Variants in ESRRG observed in about 807,000 individuals in gnomAD.
The protein encoded by ESRRG is estrogen related receptor gamma.
Under a neutral mutation model 44.0 loss-of-function variants are expected in ESRRG, and 13 were observed. That is an observed-to-expected ratio of 0.30 (90% CI 0.19 to 0.47). The LOEUF (loss-of-function observed/expected upper bound fraction) is 0.47. Among genes scored for constraint, ESRRG ranks in the 20% least tolerant of loss-of-function variants. ESRRG has a pLI of 1.00. For missense variants in ESRRG, 395 were observed against 580.6 expected, an observed-to-expected ratio of 0.68 and a Z score of 3.29; for synonymous variants, 215 against 214.6, an observed-to-expected ratio of 1.00 and a Z score of -0.02.
intron 2 of ESRRG, among the ~76,000 whole-genome samples, chr1:216,771,757 A>G (rs933367612): frequency 2.0e-5 from 3 of 151,112 alleles, no homozygotes; most frequent in Non-Finnish European, 4.4e-5. Flanking sequence ...TTCCTGTGAT[A>G]GCATTAGAAA....
rs375522340 is a variant in ESRRG at position 216,651,085 on chromosome 1, A to G, written c.477T>C (p.Asn159=). ...KAFFKRTIQG[N]IEYSCPATNE... The stretch of plus-strand genomic sequence containing the variant: ...TCGTGGCAGGGCAGCTGTATTCTAT[A>G]TTGCCTAAAACACAAGTTTGAAGAA... The change falls in exon 3 of 7, where the codon AAT becomes AAC. Residue 159 remains asparagine, a synonymous_variant. Coordinates refer to ENST00000408911, the MANE Select transcript of ESRRG (RefSeq NM_001438.4). The G allele has an allele frequency of 1.5e-4, 240 of 1,594,134 alleles. 1 individual carries two copies. The Middle Eastern group carries it at 3.7e-3, about 24-fold the overall frequency.
intron 1 of ESRRG, chr1:216,686,141 A>T (rs2077896901): frequency 6.6e-6 from 1 of 152,180 alleles, no homozygotes; most frequent in Admixed American, 6.5e-5. Context: ...GTCTTGGGTG[A>T]TCTATAGCAG....
In ESRRG at chr1:217,037,534, G is replaced by C. The variant is rs560204562; in HGVS notation, c.-106+51973C>G. Among the ~76,000 whole-genome samples, 222 of 152,242 alleles carry C rather than the reference G, an allele frequency of 1.5e-3. 1 individual carries two copies. The highest frequency in any genetic ancestry group is 5.2e-3 in the African/African-American group (216 of 41,544). On this transcript the variant is annotated intron_variant, in intron 1 of 7. Coordinates refer to the ESRRG transcript ENST00000359162. ...CCATGATTCAATCATCTCCTACTGA[G>C]TCCCTCTCACATGGGAACCATGGGA...
chr1:217,051,039 A>G (rs1456734176), intron 1 of ESRRG, among the ~76,000 whole-genome samples: 1 of 152,114 alleles, frequency 6.6e-6, no homozygotes, highest in African/African-American at 2.4e-5. Flanking sequence ...ACATAGACTG[A>G]CAAAGGGAAA....
intron 2 of ESRRG, among the ~76,000 whole-genome samples, chr1:216,659,450 C>T (rs2071669715): frequency 6.6e-6 from 1 of 152,190 alleles, no homozygotes; most frequent in Non-Finnish European, 1.5e-5. Context: ...CTTCCTGTCT[C>T]TACCTTGGAG....
At chr1:216,568,841 G>C (rs1573177082) in intron 3 of ESRRG, among the ~76,000 whole-genome samples, 1 of 152,046 alleles carries the variant, frequency 6.6e-6, no homozygotes, top group South Asian at 2.1e-4. Context: ...GATCACCTGA[G>C]GTTGGGAGTT....
chr1:216,867,195 T>C (rs898984796), intron 2 of ESRRG, among the ~76,000 whole-genome samples: 1 of 152,140 alleles, frequency 6.6e-6, no homozygotes, highest in Non-Finnish European at 1.5e-5. Context: ...CAGAACAAAA[T>C]CACTTGTCCA....
chr1:216,928,756 G>A (rs1272782982), intron 2 of ESRRG, among the ~76,000 whole-genome samples: 1 of 152,204 alleles, frequency 6.6e-6, no homozygotes, highest in Non-Finnish European at 1.5e-5. Flanking sequence ...GCTACATACA[G>A]TGAATATTAT....
At chr1:216,516,140 A>C (rs2044194355) in intron 6 of ESRRG, among the ~76,000 whole-genome samples, 3 of 152,140 alleles carry the variant, frequency 2.0e-5, no homozygotes, top group Admixed American at 6.5e-5. Context: ...AGATGTAATA[A>C]TTACTCAAGA....
chr1:217,039,179 G>A (rs1368380659), intron 1 of ESRRG, among the ~76,000 whole-genome samples: 1 of 152,182 alleles, frequency 6.6e-6, no homozygotes, highest in Non-Finnish European at 1.5e-5. Flanking sequence ...TCTCCAGGAA[G>A]TTCCAAACTT....
At chr1:216,915,400 A>G (rs1371246031) in intron 2 of ESRRG, among the ~76,000 whole-genome samples, 1 of 152,126 alleles carries the variant, frequency 6.6e-6, no homozygotes, top group East Asian at 1.9e-4. Context: ...TATGAGAAAA[A>G]CCACCACACA....
At chr1:216,647,181 A>G (rs370292764) in intron 3 of ESRRG, among the ~76,000 whole-genome samples, 45 of 152,128 alleles carry the variant, frequency 3.0e-4, no homozygotes, top group East Asian at 1.7e-3. Context: ...TTTCCTTCAA[A>G]TAAGCAATAC....
chr1:216,651,208 G>T, intron 2 of ESRRG, 119 bp from the exon 3 acceptor site: 1 of 692,446 alleles, frequency 1.4e-6, no homozygotes, highest in Non-Finnish European at 2.7e-6. Flanking sequence ...TGTCACATGA[G>T]ACTCAAGAGA....
intron 2 of ESRRG, among the ~76,000 whole-genome samples, chr1:216,912,230 G>GGAGAA (rs2060532512): frequency 1.1e-5 from 1 of 89,924 alleles, no homozygotes. Context: ...GGAGAGGAGA[G>GGAGAA]GAGAGGAGAG....
intron 2 of ESRRG, chr1:216,936,752 C>T (rs1240895827): frequency 1.3e-5 from 2 of 151,838 alleles, no homozygotes; most frequent in Non-Finnish European, 2.9e-5. Context: ...CAAGAGACAG[C>T]TAATGGCCTT....
At chr1:216,728,432 TAAA>T (rs2088002910) in intron 2 of ESRRG, among the ~76,000 whole-genome samples, 1 of 151,654 alleles carries the variant, frequency 6.6e-6, no homozygotes, top group African/African-American at 2.4e-5. Context: ...TTAAAAGCCA[TAAA>T]TTGTTGACTC....
intron 1 of ESRRG, among the ~76,000 whole-genome samples, chr1:216,709,316 G>A (rs902959209): frequency 6.7e-5 from 9 of 133,828 alleles, no homozygotes; most frequent in African/African-American, 2.2e-4. Context: ...TGTGTGTACA[G>A]ATATATATGT....
At chr1:216,702,302 A>C (rs1332035073) in intron 1 of ESRRG, among the ~76,000 whole-genome samples, 1 of 152,204 alleles carries the variant, frequency 6.6e-6, no homozygotes, top group Non-Finnish European at 1.5e-5. Context: ...GTGAAGAAAG[A>C]AATCTATAAG....
chr1:216,704,629 A>G (rs764976014), intron 1 of ESRRG, among the ~76,000 whole-genome samples: 28 of 152,206 alleles, frequency 1.8e-4, no homozygotes, highest in Non-Finnish European at 3.2e-4. Flanking sequence ...TTAAAAAAAA[A>G]TTCTCTTTTC....
Sources: gnomAD v4.1 joint callset for allele counts (sites outside exome capture counted in the v4.1 genomes callset) on GRCh38, gnomAD v4.1.1 for gene constraint, MANE v1.5 for transcripts, NCBI Gene and HGNC (gene_info 2026-07-23, HGNC 2026-07-21) for gene names.